Variants in GAD2 observed in about 807,000 individuals in gnomAD.
GAD2 encodes the protein 65 kDa glutamic acid decarboxylase.
A neutral mutation model predicts 80.1 loss-of-function variants in GAD2; 22 were observed. The ratio of observed to expected loss-of-function variants is 0.27; its 90% CI spans 0.20 to 0.39. The LOEUF is 0.39. Ranked by LOEUF, GAD2 falls within the 10% of genes least tolerant of loss-of-function variation. GAD2 has a pLI of 1.00. For synonymous variants in GAD2, 274 were observed against 256.9 expected (o/e 1.07, Z -0.64); for missense variants, 624 against 738.4 (o/e 0.85, Z 1.80).
chr10:26,275,680 A>G (rs767004757), intron 11 of GAD2, among the ~76,000 whole-genome samples: 3 of 152,244 alleles, frequency 2.0e-5, no homozygotes, highest in South Asian at 4.1e-4. Flanking sequence ...TGGAAACCAC[A>G]TAATGTGTAT....
At chr10:26,218,816 G>T (rs1047995444) in intron 3 of GAD2, among the ~76,000 whole-genome samples, 5 of 152,180 alleles carry the variant, frequency 3.3e-5, no homozygotes, top group Non-Finnish European at 5.9e-5. Flanking sequence ...GTTATGAATT[G>T]AAATGCAGTA....
At chr10:26,277,193 G>A (rs1415213288) in intron 11 of GAD2, among the ~76,000 whole-genome samples, 1 of 152,242 alleles carries the variant, frequency 6.6e-6, no homozygotes, top group Admixed American at 6.5e-5. Context: ...TCAGGCTGAA[G>A]AGACACACAA....
In GAD2 at chr10:26,224,841, T is replaced by C. The variant is rs561720689; in HGVS notation, c.724+190T>C. ...TGCCTCCAAGCTAAGTAACCCATGCTTGAACATCAGTTATTTGTGTGCAAA... is the reference window on the plus strand; with the variant it reads ...TGCCTCCAAGCTAAGTAACCCATGCCTGAACATCAGTTATTTGTGTGCAAA... On this transcript the variant is annotated intron_variant, in intron 6 of 15. Transcript: ENST00000376261. 21 of 558,038 alleles carry C rather than the reference T, an allele frequency of 3.8e-5. No homozygotes were observed. In the Admixed American group the frequency reaches 5.4e-4, roughly 14 times the overall value. The allele number at this position is 558,038 out of a possible 1,614,324, so 34.6% of individuals were successfully genotyped here. A position where few individuals can be genotyped will look rare whatever the true frequency, so the allele number is the denominator to read the frequency against.
chr10:26,244,801 G>T (rs1214179581), intron 7 of GAD2, among the ~76,000 whole-genome samples: 1 of 152,144 alleles, frequency 6.6e-6, no homozygotes, highest in Non-Finnish European at 1.5e-5. Context: ...ATGGATGGAG[G>T]TGATGGATTG....
At chr10:26,279,090 C>T (rs894509644) in intron 11 of GAD2, among the ~76,000 whole-genome samples, 7 of 152,114 alleles carry the variant, frequency 4.6e-5, no homozygotes, top group Middle Eastern at 3.4e-3. Context: ...TGCCAGGACC[C>T]GTCAGTCTCT....
chr10:26,266,634 C>T (rs1402097649), intron 8 of GAD2, among the ~76,000 whole-genome samples: 1 of 152,184 alleles, frequency 6.6e-6, no homozygotes, highest in East Asian at 1.9e-4. Context: ...GAGCCACCCC[C>T]ATTCCTTTCC....
intron 15 of GAD2, among the ~76,000 whole-genome samples, chr10:26,298,057 G>GTCTTCAT (rs1248652320): frequency 6.6e-6 from 1 of 152,156 alleles, no homozygotes; most frequent in Non-Finnish European, 1.5e-5. Context: ...CTGGCTTAAG[G>GTCTTCAT]TCTGCAATTG....
At chr10:26,296,758 T>A (rs1326570294) in intron 15 of GAD2, among the ~76,000 whole-genome samples, 5 of 152,216 alleles carry the variant, frequency 3.3e-5, no homozygotes, top group Non-Finnish European at 2.9e-5. Context: ...TGTCAGCTTT[T>A]ATAGTCCTAC....
At chr10:26,242,968 GC>G (rs1350036356) in intron 7 of GAD2, among the ~76,000 whole-genome samples, 2 of 151,990 alleles carry the variant, frequency 1.3e-5, no homozygotes, top group Non-Finnish European at 2.9e-5. Context: ...TTCCCTTCTG[GC>G]TGTAAGAGAC....
rs1466348892 is a variant in GAD2 at position 26,301,450 on chromosome 10, T to C, written c.*489T>C. The C allele has an allele frequency of 6.6e-6, 1 of 152,112 alleles. No homozygotes were observed. The highest frequency in any genetic ancestry group is 1.9e-4 in the East Asian group (1 of 5,206). The allele number at this position is 152,112 out of a possible 1,614,324, so 9.4% of individuals were successfully genotyped here. ...CATTTCAAATGTATTTAAATACATA[T>C]AATTTTACAAAAGGAAAATATATAT... is the stretch of plus-strand genomic sequence containing the variant. On this transcript the variant is annotated 3_prime_UTR_variant, in exon 16 of 16. Transcript: ENST00000376261.
chr10:26,237,524 A>G (rs4111544), intron 7 of GAD2, among the ~76,000 whole-genome samples: 10,817 of 151,810 alleles, frequency 0.071, 1,262 homozygotes, highest in African/African-American at 0.24. Flanking sequence ...GCTGAGCCCA[A>G]CCAGGAGACG....
At chr10:26,229,046 T>C (rs918132745) in intron 6 of GAD2, among the ~76,000 whole-genome samples, 6 of 151,788 alleles carry the variant, frequency 4.0e-5, no homozygotes, top group Non-Finnish European at 8.8e-5. Context: ...ACAAAAAAAT[T>C]AGCCGGGTGT....
Position 26,217,693 on chromosome 10 carries a change from G to T in GAD2, c.136+24G>T. 1 of 1,610,336 alleles carries T rather than the reference G, an allele frequency of 6.2e-7. No individual in the cohort carries two copies. Among genetic ancestry groups the T allele is most frequent in the Non-Finnish European group, 8.5e-7 (1 of 1,178,104 alleles). ...CGGTGAGTGCCCAGGGACCGGGGCGGCCAAGGTCGGCCCGCGGGGTCCAAG... is the reference window on the plus strand; with the variant it reads ...CGGTGAGTGCCCAGGGACCGGGGCGTCCAAGGTCGGCCCGCGGGGTCCAAG... On this transcript the variant is annotated intron_variant, in intron 2 of 15. Coordinates refer to ENST00000376261, the MANE Select transcript of GAD2 (RefSeq NM_001134366.2). This position sits in a 1 kb window ranked among gnomAD's most constrained non-coding sequence, Gnocchi z 4.9.
chr10:26,249,912 C>T (rs1339054518), intron 8 of GAD2, among the ~76,000 whole-genome samples: 2 of 152,012 alleles, frequency 1.3e-5, no homozygotes, highest in Non-Finnish European at 2.9e-5. Flanking sequence ...TTGCCATGCA[C>T]CACCAGGAGG....
At chr10:26,234,198 C>T (rs1490474081) in intron 7 of GAD2, among the ~76,000 whole-genome samples, 1 of 152,028 alleles carries the variant, frequency 6.6e-6, no homozygotes, top group Non-Finnish European at 1.5e-5. Context: ...TTGGTTGGCG[C>T]CTGTAATCCC....
chr10:26,296,346 A>G (rs1834273196), intron 15 of GAD2, among the ~76,000 whole-genome samples: 1 of 152,244 alleles, frequency 6.6e-6, no homozygotes, highest in Non-Finnish European at 1.5e-5. Flanking sequence ...AAGGGAAACA[A>G]CATTTAGGAA....
chr10:26,281,174 C>A, intron 12 of GAD2, 87 bp downstream of exon 12: 1 of 973,712 alleles, frequency 1.0e-6, no homozygotes, highest in Non-Finnish European at 1.6e-6. Flanking sequence ...ATGTCAAGAT[C>A]ACCGGGTCTT....
At chr10:26,220,187 T>A (rs773984386) in intron 4 of GAD2, among the ~76,000 whole-genome samples, 8 of 152,146 alleles carry the variant, frequency 5.3e-5, no homozygotes, top group Non-Finnish European at 1.0e-4. Flanking sequence ...ATTACGGCAA[T>A]AAAAATAAGT....
intron 8 of GAD2, among the ~76,000 whole-genome samples, chr10:26,246,899 TA>T (rs1366232491): frequency 1.3e-5 from 2 of 152,120 alleles, no homozygotes; most frequent in African/African-American, 4.8e-5. Context: ...TTTTTAAAAT[TA>T]GGAGTGAGCT....
Sources: allele counts gnomAD v4.1 joint callset (sites outside exome capture counted in the v4.1 genomes callset), GRCh38; gene constraint gnomAD v4.1.1; non-coding constraint Gnocchi (gnomAD v3.1); transcripts MANE v1.5; gene names NCBI Gene and HGNC (gene_info 2026-07-23, HGNC 2026-07-21).